Variants in DBH observed in about 807,000 individuals in gnomAD.
DBH encodes dopamine beta-hydroxylase (dopamine beta-monooxygenase).
DBH carries 49 observed loss-of-function variants against 64.0 expected under a neutral mutation model. That is an observed-to-expected ratio of 0.77 (90% CI 0.61 to 0.97). DBH has a LOEUF of 0.97. Among genes scored for constraint, DBH ranks in the 50% least tolerant of loss-of-function variants. DBH has a pLI of 0.00. For synonymous variants in DBH, 343 were observed against 347.1 expected (o/e 0.99, Z 0.13); for missense variants, 828 against 826.6 (o/e 1.00, Z -0.02).
At chr9:133,656,761 G>C (rs1216952014) in intron 10 of DBH, 111 bp downstream of exon 10, 1 of 1,376,308 alleles carries the variant, frequency 7.3e-7, no homozygotes, top group African/African-American at 1.4e-5. Flanking sequence ...TCTAGGAGCA[G>C]AGACCTGTGG....
intron 6 of DBH, 125 bp downstream of exon 6, chr9:133,648,137 C>T: frequency 8.9e-7 from 1 of 1,126,028 alleles, no homozygotes; most frequent in Admixed American, 2.0e-5. Context: ...CTGAATCCCC[C>T]TGCGGTCCTC....
chr9:133,654,896 A>T (rs1395342136), intron 9 of DBH: 1 of 152,298 alleles, frequency 6.6e-6, no homozygotes, highest in Non-Finnish European at 1.5e-5. Flanking sequence ...GGAGCACCCC[A>T]GGCAAGTCCC....
chr9:133,641,741 A>G (rs1832118387), intron 2 of DBH, among the ~76,000 whole-genome samples: 1 of 152,184 alleles, frequency 6.6e-6, no homozygotes, highest in African/African-American at 2.4e-5. Flanking sequence ...TACATAATAT[A>G]GCGTGGCTCC....
intron 9 of DBH, 48 bp downstream of exon 9, chr9:133,653,047 G>T (rs1240236865): frequency 1.4e-6 from 2 of 1,442,332 alleles, no homozygotes; most frequent in Non-Finnish European, 2.0e-6. Context: ...CGAGTGTTCA[G>T]CCTGAGCCAT....
intron 9 of DBH, 125 bp downstream of exon 9, chr9:133,653,124 C>G: frequency 1.3e-6 from 1 of 775,328 alleles, no homozygotes; most frequent in South Asian, 1.4e-5. Flanking sequence ...ATAAGCCAGT[C>G]GTTCTCAGCT....
chr9:133,638,143 G>T (rs1784799355), intron 1 of DBH, among the ~76,000 whole-genome samples: 1 of 152,248 alleles, frequency 6.6e-6, no homozygotes, highest in Non-Finnish European at 1.5e-5. Flanking sequence ...CACTGGCAAG[G>T]TTAATTTGCA....
chr9:133,642,279 G>A lies in DBH; in HGVS notation c.559G>A (p.Gly187Ser). Residue 187 changes from glycine (G) to serine (S), a missense_variant, in exon 3 of 12, where the codon GGC becomes AGC. Coordinates refer to ENST00000393056, the MANE Select transcript of DBH (RefSeq NM_000787.4). ...GTCACTGGAGGCCATCAACGGCTCGGGCCTGCAGATGGGGCTGCAGAGGGT... is the reference window on the plus strand; with the variant it reads ...GTCACTGGAGGCCATCAACGGCTCGAGCCTGCAGATGGGGCTGCAGAGGGT... ...FRSLEAINGS[G>S]LQMGLQRVQL... The A allele has an allele frequency of 6.2e-7, 1 of 1,614,068 alleles. No homozygotes were observed. The highest frequency in any genetic ancestry group is 8.5e-7 in the Non-Finnish European group (1 of 1,180,008).
intron 4 of DBH, 115 bp from the exon 5 acceptor site, chr9:133,644,103 C>A: frequency 1.2e-6 from 1 of 801,004 alleles, no homozygotes; most frequent in Non-Finnish European, 2.2e-6. Context: ...AATCCTGCTG[C>A]GCCCCCTCCA....
At chr9:133,645,488 AC>A (rs1832171760) in intron 5 of DBH, among the ~76,000 whole-genome samples, 1 of 152,120 alleles carries the variant, frequency 6.6e-6, no homozygotes, top group Non-Finnish European at 1.5e-5. Flanking sequence ...CTGTCACTTC[AC>A]CCATCTTGAG....
At chr9:133,657,400 G>A in intron 11 of DBH, 171 bp downstream of exon 11, 7 of 499,156 alleles carry the variant, frequency 1.4e-5, no homozygotes, top group South Asian at 1.2e-4. Context: ...CCAGCCAGCA[G>A]AGAGAGAGGA....
intron 6 of DBH, 51 bp downstream of exon 6, chr9:133,648,063 AGTGGAGGCCTGGCAGGTC>A: frequency 3.2e-6 from 5 of 1,570,700 alleles, no homozygotes; most frequent in Non-Finnish European, 3.4e-6. Flanking sequence ...CGCGTCCCTC[AGTGGAGGCCTGGCAGGTC>A]GTGGCCCACG....
chr9:133,656,509 C>A lies in DBH; in HGVS notation c.1435-14C>A, dbSNP rs80228552. The A allele has an allele frequency of 6.2e-7, 1 of 1,613,662 alleles. No individual in the cohort carries two copies. Among genetic ancestry groups the A allele is most frequent in the Non-Finnish European group, 8.5e-7 (1 of 1,179,982 alleles). ...GGCATGGCCCGGGGCTGACGGGTCTCCTCCAACTTGCAGGGGGGCTTCGGG... is the reference window on the plus strand; with the variant it reads ...GGCATGGCCCGGGGCTGACGGGTCTACTCCAACTTGCAGGGGGGCTTCGGG... On this transcript the variant is annotated splice_polypyrimidine_tract_variant and intron_variant, in intron 9 of 11. Transcript: ENST00000393056.
intron 1 of DBH, among the ~76,000 whole-genome samples, 160 bp downstream of exon 1, chr9:133,636,870 G>C (rs1329680309): frequency 6.6e-6 from 1 of 152,098 alleles, no homozygotes; most frequent in African/African-American, 2.4e-5. Context: ...CCCGAGCTTG[G>C]GCATCATGGG....
At chr9:133,636,775 T>C in intron 1 of DBH, 65 bp downstream of exon 1, 1 of 1,432,516 alleles carries the variant, frequency 7.0e-7, no homozygotes, top group Admixed American at 1.8e-5. Context: ...CTGGCCGTCT[T>C]TCTGCACTCA....
chr9:133,650,012 G>A (rs1262177112), intron 6 of DBH, among the ~76,000 whole-genome samples: 1 of 152,216 alleles, frequency 6.6e-6, no homozygotes, highest in Non-Finnish European at 1.5e-5. Flanking sequence ...AGTGAAATAG[G>A]CCAAGACAAG....
At chr9:133,650,909 T>C (rs1832241064) in intron 6 of DBH, among the ~76,000 whole-genome samples, 1 of 152,252 alleles carries the variant, frequency 6.6e-6, no homozygotes, top group African/African-American at 2.4e-5. Context: ...TTTCGTTCTC[T>C]GGAAGATTCT....
intron 10 of DBH, 99 bp from the exon 11 acceptor site, chr9:133,656,971 C>T: frequency 7.2e-7 from 1 of 1,397,810 alleles, no homozygotes; most frequent in Non-Finnish European, 1.0e-6. Flanking sequence ...ACGGTTGCCC[C>T]AGGGACAGGA....
chr9:133,636,711 G>A lies in DBH; in HGVS notation c.339+1G>A. ...CGATGGGGACACTGCCTATTTTGCGGTGAGTCTCTCCTCCCTGCCAGCTCT... is the reference window on the plus strand; with the variant it reads ...CGATGGGGACACTGCCTATTTTGCGATGAGTCTCTCCTCCCTGCCAGCTCT... On this transcript the variant is annotated splice_donor_variant, in intron 1 of 11. Coordinates refer to ENST00000393056, the MANE Select transcript of DBH (RefSeq NM_000787.4). LOFTEE classifies it high-confidence loss of function. 1 of 1,600,784 alleles carries A rather than the reference G, an allele frequency of 6.2e-7. No individual in the cohort carries two copies. Among genetic ancestry groups the A allele is most frequent in the South Asian group, 1.1e-5 (1 of 91,032 alleles).
intron 1 of DBH, among the ~76,000 whole-genome samples, chr9:133,637,761 C>A (rs531318574): frequency 2.6e-5 from 4 of 152,196 alleles, no homozygotes; most frequent in Non-Finnish European, 5.9e-5. Flanking sequence ...CCCTCCAATT[C>A]CCAAGACTCG....
Sources: allele counts gnomAD v4.1 joint callset (sites outside exome capture counted in the v4.1 genomes callset), GRCh38; gene constraint gnomAD v4.1.1; transcripts MANE v1.5; gene names NCBI Gene and HGNC (gene_info 2026-07-23, HGNC 2026-07-21).